Variants in RALA observed in about 807,000 individuals in gnomAD.
RALA encodes the protein RAS like proto-oncogene A.
A neutral mutation model predicts 24.0 loss-of-function variants in RALA; 5 were observed. The ratio of observed to expected loss-of-function variants is 0.21; its 90% CI spans 0.11 to 0.44. The LOEUF (loss-of-function observed/expected upper bound fraction) is 0.44, where lower values mean the gene tolerates loss of function less well. Ranked by LOEUF, RALA falls within the 20% of genes least tolerant of loss-of-function variation. The pLI is 0.99. For missense variants in RALA, 95 were observed against 241.2 expected, an observed-to-expected ratio of 0.39 and a Z score of 4.01; for synonymous variants, 77 against 83.8, an observed-to-expected ratio of 0.92 and a Z score of 0.44.
chr7:39,629,518 G>A (rs1791553345), intron 1 of RALA, among the ~76,000 whole-genome samples: 1 of 152,148 alleles, frequency 6.6e-6, no homozygotes, highest in East Asian at 1.9e-4. Flanking sequence ...AGGTTCAAGC[G>A]ATTCTCCTGC....
intron 1 of RALA, among the ~76,000 whole-genome samples, chr7:39,670,707 CT>C: frequency 6.6e-6 from 1 of 152,216 alleles, no homozygotes; most frequent in South Asian, 2.1e-4. Flanking sequence ...GTTTATGAGT[CT>C]TTTATTTCCT....
chr7:39,684,732 A>G (rs1332608462), intron 1 of RALA, among the ~76,000 whole-genome samples: 3 of 151,982 alleles, frequency 2.0e-5, no homozygotes, highest in Non-Finnish European at 2.9e-5. Flanking sequence ...AAAAAAAGAA[A>G]AAAAAAAGTT....
chr7:39,636,570 T>C (rs1305966853), intron 1 of RALA, among the ~76,000 whole-genome samples: 1 of 152,238 alleles, frequency 6.6e-6, no homozygotes, highest in Non-Finnish European at 1.5e-5. Context: ...ACTATAAACA[T>C]GACTTTTTGT....
At position 39,696,767 on chromosome 7, in the gene RALA, C is replaced by T; in HGVS notation, c.406C>T (p.Gln136Ter). The T allele has an allele frequency of 6.2e-7, 1 of 1,613,008 alleles. No individual in the cohort carries two copies. Among genetic ancestry groups the T allele is most frequent in the Non-Finnish European group, 8.5e-7 (1 of 1,179,086 alleles). Reference sequence around the variant, plus strand: ...CAAATCAGATTTAGAAGATAAAAGACAGGTTTCTGTAGAAGAGGCAAAAAA... The same window carrying T: ...CAAATCAGATTTAGAAGATAAAAGATAGGTTTCTGTAGAAGAGGCAAAAAA... ...GNKSDLEDKR[Q>*]VSVEEAKNRA... Residue 136 changes from glutamine to a stop codon, truncating the protein, a stop_gained, in exon 4 of 5, where the codon CAG (glutamine) becomes TAG (stop). Transcript: ENST00000005257. LOFTEE classifies it high-confidence loss of function.
intron 1 of RALA, among the ~76,000 whole-genome samples, chr7:39,640,283 C>T (rs371193634): frequency 2.6e-5 from 4 of 152,310 alleles, no homozygotes; most frequent in African/African-American, 4.8e-5. Flanking sequence ...GGGATCCACC[C>T]GCCTTGGCCT....
chr7:39,679,240 T>G (rs994171410), intron 1 of RALA, among the ~76,000 whole-genome samples: 1 of 152,196 alleles, frequency 6.6e-6, no homozygotes, highest in African/African-American at 2.4e-5. Flanking sequence ...GACAAAAATT[T>G]TCTGTAAAGG....
At chr7:39,674,235 G>C (rs1300247847) in intron 1 of RALA, among the ~76,000 whole-genome samples, 1 of 152,068 alleles carries the variant, frequency 6.6e-6, no homozygotes, top group African/African-American at 2.4e-5. Context: ...TAGAGCCGCT[G>C]TACTGGGCCT....
At chr7:39,644,750 T>G (rs542577072) in intron 1 of RALA, among the ~76,000 whole-genome samples, 5 of 152,308 alleles carry the variant, frequency 3.3e-5, no homozygotes, top group African/African-American at 1.2e-4. Flanking sequence ...ATTGACAATT[T>G]GTTCTTCAAC....
Position 39,706,493 on chromosome 7 carries a change from G to A in RALA, c.*248G>A, listed in dbSNP as rs537465124. 3.0e-4 allele frequency: 93 copies of A among 306,548 alleles called. No homozygotes were observed. The highest frequency in any genetic ancestry group is 4.7e-4 in the Admixed American group (9 of 19,126). 19.0% of individuals were successfully genotyped at this position (306,548 alleles called of 1,614,324 possible). A position where few individuals can be genotyped will look rare whatever the true frequency, so the allele number is the denominator to read the frequency against. ...CATTTATCATGGTCCTGAATGTAGCGTGTAAGCTTGTGTTTCTTGGGCAGT... is the reference window on the plus strand; with the variant it reads ...CATTTATCATGGTCCTGAATGTAGCATGTAAGCTTGTGTTTCTTGGGCAGT... On this transcript the variant is annotated 3_prime_UTR_variant, in exon 5 of 5. Coordinates refer to ENST00000005257, the MANE Select transcript of RALA (RefSeq NM_005402.4).
At chr7:39,638,080 T>A (rs1402390739) in intron 1 of RALA, among the ~76,000 whole-genome samples, 6 of 152,188 alleles carry the variant, frequency 3.9e-5, no homozygotes, top group East Asian at 1.9e-4. Context: ...TCTCTTTTTT[T>A]AAAATTTTAT....
chr7:39,647,959 A>G (rs776147135), intron 1 of RALA, among the ~76,000 whole-genome samples: 1 of 152,210 alleles, frequency 6.6e-6, no homozygotes, highest in Non-Finnish European at 1.5e-5. Context: ...AAAGTCTTAG[A>G]TCTATTTTAA....
intron 1 of RALA, among the ~76,000 whole-genome samples, chr7:39,652,637 A>G (rs1282262707): frequency 5.9e-5 from 9 of 152,202 alleles, no homozygotes; most frequent in Admixed American, 5.9e-4. Flanking sequence ...TAAACTTCAT[A>G]ATACCTGTAT....
chr7:39,656,962 G>GT lies in RALA; in HGVS notation c.-37-29662dup, dbSNP rs553353653. ...GTTTTGTTTGTTTGTTTGTTTTTGT[G>GT]TTTTTTTGTTTTGTTTTGTTTTTGA... On this transcript the variant is annotated intron_variant, in intron 1 of 4. Coordinates refer to ENST00000005257, the MANE Select transcript of RALA (RefSeq NM_005402.4). 3.0e-4 allele frequency among the ~76,000 whole-genome samples: 46 copies of GT among 152,034 alleles called. 3 individuals are homozygous for GT. The South Asian group carries it at 6.2e-3, about 21-fold the overall frequency.
chr7:39,688,307 C>G (rs1271376268), intron 2 of RALA, among the ~76,000 whole-genome samples: 1 of 151,780 alleles, frequency 6.6e-6, no homozygotes, highest in Non-Finnish European at 1.5e-5. Flanking sequence ...GAGGCTGAGG[C>G]AGGAGGATCA....
At chr7:39,661,640 G>C (rs1418294650) in intron 1 of RALA, among the ~76,000 whole-genome samples, 2 of 152,190 alleles carry the variant, frequency 1.3e-5, no homozygotes, top group East Asian at 1.9e-4. Context: ...CCATGGTCTT[G>C]GGCAGCTCTG....
chr7:39,627,519 G>A (rs1279827119), intron 1 of RALA, among the ~76,000 whole-genome samples: 1 of 152,172 alleles, frequency 6.6e-6, no homozygotes, highest in Non-Finnish European at 1.5e-5. Flanking sequence ...GTCAGGGTTT[G>A]GTAATGTTAT....
intron 1 of RALA, among the ~76,000 whole-genome samples, chr7:39,642,451 T>C (rs975493752): frequency 1.3e-5 from 2 of 152,180 alleles, no homozygotes; most frequent in Non-Finnish European, 2.9e-5. Context: ...TGCCTTTAGG[T>C]AGAAAAGAGA....
chr7:39,638,563 C>G (rs1189303608), intron 1 of RALA, among the ~76,000 whole-genome samples: 1 of 152,038 alleles, frequency 6.6e-6, no homozygotes, highest in Admixed American at 6.6e-5. Context: ...CCACCTCAGC[C>G]TCCCAAGTAG....
chr7:39,627,545 ATAGT>A lies in RALA; in HGVS notation c.-38+3724_-38+3727del, dbSNP rs552869884. ...GTAATGTTATTTTGGACAATAAGAC[ATAGT>A]TAGATTATAAAATGGCGTATACTCC... On this transcript the variant is annotated intron_variant, in intron 1 of 4. Coordinates refer to ENST00000005257, the MANE Select transcript of RALA (RefSeq NM_005402.4). 1.9e-3 allele frequency among the ~76,000 whole-genome samples: 294 copies of A among 152,364 alleles called. 1 individual carries two copies. The highest frequency in any genetic ancestry group is 6.7e-3 in the African/African-American group (277 of 41,588).
Sources: gnomAD v4.1 joint callset for allele counts (sites outside exome capture counted in the v4.1 genomes callset) on GRCh38, gnomAD v4.1.1 for gene constraint, MANE v1.5 for transcripts, NCBI Gene and HGNC (gene_info 2026-07-23, HGNC 2026-07-21) for gene names.